Variants in NSD1 observed in about 807,000 individuals in gnomAD.
The protein encoded by NSD1 is nuclear receptor binding SET domain protein 1.
A neutral mutation model predicts 242.7 loss-of-function variants in NSD1; 26 were observed. That is an observed-to-expected ratio of 0.11 (90% CI 0.08 to 0.15). The LOEUF (loss-of-function observed/expected upper bound fraction) is 0.15, where lower values mean the gene tolerates loss of function less well. Among genes scored for constraint, NSD1 ranks in the 10% least tolerant of loss-of-function variants. The pLI, the probability that NSD1 is intolerant of heterozygous loss-of-function variation, is 1.00. For missense variants in NSD1, 2,495 were observed against 3,272.8 expected, an observed-to-expected ratio of 0.76 and a Z score of 5.80; for synonymous variants, 1,106 against 1,178.1, an observed-to-expected ratio of 0.94 and a Z score of 1.25.
chr5:177,176,265 T>C (rs980653325), intron 2 of NSD1, among the ~76,000 whole-genome samples: 4 of 143,890 alleles, frequency 2.8e-5, no homozygotes, highest in Non-Finnish European at 4.6e-5. Context: ...TTCTTCTTCC[T>C]TTTTTTTTTT....
In NSD1 at chr5:177,210,004, A is replaced by G. The variant is rs746977419; in HGVS notation, c.1605A>G (p.Leu535=). 4.0e-5 allele frequency: 65 copies of G among 1,614,058 alleles called. No individual in the cohort carries two copies. The highest frequency in any genetic ancestry group is 5.3e-5 in the Non-Finnish European group (63 of 1,180,038). ...GAAAGATTCCAGAGAACCTTGGCCT[A>G]AACTTTATCTCTGGGGATATATCTG... The part of the protein sequence containing the change: ...RRGKIPENLG[L]NFISGDISDT... Residue 535 remains leucine (L), a synonymous_variant, in exon 5 of 23, where the codon CTA becomes CTG. Transcript: ENST00000439151.
chr5:177,237,687 C>T (rs958837427), intron 6 of NSD1, among the ~76,000 whole-genome samples: 2 of 151,862 alleles, frequency 1.3e-5, no homozygotes, highest in South Asian at 2.1e-4. Flanking sequence ...TGCCCGCCAC[C>T]ACACCTGGCT....
chr5:177,213,015 A>G (rs1279117513), intron 5 of NSD1, among the ~76,000 whole-genome samples: 1 of 152,114 alleles, frequency 6.6e-6, no homozygotes, highest in Non-Finnish European at 1.5e-5. Context: ...TTTTGAAAAA[A>G]CTGCAAGTAT....
At chr5:177,191,336 T>C (rs1407338174) in intron 2 of NSD1, among the ~76,000 whole-genome samples, 2 of 152,152 alleles carry the variant, frequency 1.3e-5, no homozygotes, top group African/African-American at 4.8e-5. Context: ...CTGTTTTCTC[T>C]GGGGCTTATG....
chr5:177,273,550 G>A (rs1457545160), intron 16 of NSD1, 122 bp from the exon 17 acceptor site: 3 of 766,154 alleles, frequency 3.9e-6, no homozygotes, highest in Non-Finnish European at 7.0e-6. Context: ...TATAGCATTG[G>A]TCGATTTTTG....
chr5:177,194,270 A>G (rs1439305338), intron 3 of NSD1, among the ~76,000 whole-genome samples: 1 of 150,902 alleles, frequency 6.6e-6, no homozygotes, highest in East Asian at 1.9e-4. Context: ...GTATTTGTTT[A>G]TTTTTCTGAG....
intron 2 of NSD1, among the ~76,000 whole-genome samples, chr5:177,157,049 A>C (rs1250996393): frequency 6.6e-6 from 1 of 152,168 alleles, no homozygotes; most frequent in Admixed American, 6.6e-5. Context: ...GTGAATAAAT[A>C]AATGTATACT....
At chr5:177,132,456 C>G (rs1197081609), upstream of NSD1, among the ~76,000 whole-genome samples, 1 of 151,736 alleles carries the variant, frequency 6.6e-6, no homozygotes, top group African/African-American at 2.4e-5. The surrounding 1 kb of genome is among the most constrained non-coding windows in gnomAD (Gnocchi z 7.5). Flanking sequence ...TGACTAGGCG[C>G]GGGAGGCGGT....
intron 10 of NSD1, 139 bp from the exon 11 acceptor site, chr5:177,248,042 A>T (rs767430707): frequency 9.8e-6 from 15 of 1,524,802 alleles, no homozygotes; most frequent in Admixed American, 2.0e-5. Flanking sequence ...TAGAACTAAC[A>T]TTGCATGCAG....
chr5:177,154,576 C>T (rs556309352), intron 2 of NSD1, among the ~76,000 whole-genome samples: 3 of 152,250 alleles, frequency 2.0e-5, no homozygotes, highest in East Asian at 3.9e-4. Flanking sequence ...TGTGCTTTCC[C>T]GGAGACCACC....
At position 177,295,156 on chromosome 5, in the gene NSD1, T is replaced by G. The variant is rs780550595; in HGVS notation, c.7788T>G (p.Ser2596Arg). ...AACTACCTGCACTTGCCGCCAAGAG[T>G]GGGCAATCTTTTAGGTCTCTCGGGA... ...GQQLPALAAK[S>R]GQSFRSLGKA... Residue 2596 changes from serine to arginine, a missense_variant, in exon 23 of 23, where the codon AGT (serine) becomes AGG (arginine). Ser to Arg is a moderately radical substitution (Grantham distance 110). Coordinates refer to ENST00000439151, the MANE Select transcript of NSD1 (RefSeq NM_022455.5). The surrounding 1 kb of genome is among the most constrained non-coding windows in gnomAD (Gnocchi z 4.3). 13 of 1,613,824 alleles carry G rather than the reference T, an allele frequency of 8.1e-6. No homozygotes were observed. Among genetic ancestry groups the G allele is most frequent in the African/African-American group, 2.7e-5 (2 of 74,934 alleles).
intron 20 of NSD1, among the ~76,000 whole-genome samples, chr5:177,286,678 A>G (rs1282926597): frequency 6.6e-6 from 1 of 152,212 alleles, no homozygotes; most frequent in African/African-American, 2.4e-5. Context: ...TTAAATCAAT[A>G]TAAATATAGT....
rs773283883 is a variant in NSD1, at chr5:177,211,041, C to T, written c.2642C>T (p.Thr881Ile). The T allele has an allele frequency of 6.2e-7, 1 of 1,614,224 alleles. No homozygotes were observed. Among genetic ancestry groups the T allele is most frequent in the African/African-American group, 1.3e-5 (1 of 75,066 alleles). The stretch of plus-strand genomic sequence containing the variant: ...GGTGAGGATGTCAGTGACTCTGGAA[C>T]ATCAAAGCCATCAAAACCATTACTT... ...SLGEDVSDSGTSKPSKPLLFS... is the reference protein window; with the variant it reads ...SLGEDVSDSGISKPSKPLLFS... Residue 881 changes from threonine to isoleucine, a missense_variant, in exon 5 of 23, where the codon ACA becomes ATA. Transcript: ENST00000439151.
Position 177,224,022 on chromosome 5 carries a change from GTTACAGTATTTTTGTAGTAATTAA to G in NSD1, c.3797-11772_3797-11749del, listed in dbSNP as rs535768819. Among the ~76,000 whole-genome samples the G allele has an allele frequency of 6.4e-3, 972 of 152,240 alleles. 6 individuals carry two copies. Among genetic ancestry groups the G allele is most frequent in the Middle Eastern group, 0.041 (12 of 294 alleles). On this transcript the variant is annotated intron_variant, in intron 5 of 22. Transcript: ENST00000439151. The stretch of plus-strand genomic sequence containing the variant: ...AAATAAATAAAAATTGTAAGTGTTA[GTTACAGTATTTTTGTAGTAATTAA>G]TTACAGTATTTTTGTAGTAATTAAT...
intron 12 of NSD1, among the ~76,000 whole-genome samples, chr5:177,254,707 C>A (rs1413987561): frequency 6.6e-6 from 1 of 152,202 alleles, no homozygotes; most frequent in Non-Finnish European, 1.5e-5. Flanking sequence ...CACGTCCAAC[C>A]AGTGTCACAA....
chr5:177,177,020 G>A (rs73806733), intron 2 of NSD1, among the ~76,000 whole-genome samples: 11,949 of 152,240 alleles, frequency 0.078, 984 homozygotes, highest in African/African-American at 0.21. Context: ...GATTACAGGT[G>A]TCACAAATTA....
At chr5:177,282,145 C>T (rs538725277) in intron 18 of NSD1, among the ~76,000 whole-genome samples, 27 of 152,264 alleles carry the variant, frequency 1.8e-4, no homozygotes, top group Non-Finnish European at 3.1e-4. Flanking sequence ...AGCCAATTCT[C>T]GGGCTCTGGG....
At position 177,265,292 on chromosome 5, in the gene NSD1, A is replaced by G. The variant is rs141338207; in HGVS notation, c.5147-2270A>G. 3.8e-4 allele frequency: 253 copies of G among 672,284 alleles called. 1 individual carries two copies. The African/African-American group carries it at 4.1e-3, about 11-fold the overall frequency. The allele number at this position is 672,284 out of a possible 1,614,324, so 41.6% of individuals were successfully genotyped here. A position where few individuals can be genotyped will look rare whatever the true frequency, so the allele number is the denominator to read the frequency against. ...TCTGGACTGTTAAAAAAAAAAAGCA[A>G]AAGTCAGCATGGGAATAAATTATAT... is the stretch of plus-strand genomic sequence containing the variant. On this transcript the variant is annotated intron_variant, in intron 14 of 22. Transcript: ENST00000439151.
chr5:177,274,166 GA>G (rs987484941), intron 17 of NSD1, among the ~76,000 whole-genome samples: 22 of 151,964 alleles, frequency 1.4e-4, no homozygotes, highest in African/African-American at 5.1e-4. Flanking sequence ...AAAAAAAGAA[GA>G]AAAAAAGAAA....
Sources: allele counts gnomAD v4.1 joint callset (sites outside exome capture counted in the v4.1 genomes callset), GRCh38; gene constraint gnomAD v4.1.1; non-coding constraint Gnocchi (gnomAD v3.1); transcripts MANE v1.5; gene names NCBI Gene and HGNC (gene_info 2026-07-23, HGNC 2026-07-21).